CRISPLD2: variants seen among roughly 807,000 people sequenced by gnomAD.
CRISPLD2 encodes the protein cysteine-rich secretory protein LCCL domain-containing 2.
A neutral mutation model predicts 71.1 loss-of-function variants in CRISPLD2; 47 were observed. The ratio of observed to expected loss-of-function variants is 0.66; its 90% CI spans 0.52 to 0.84. The LOEUF is 0.84. CRISPLD2 is among the 40% of genes least tolerant of loss of function. The pLI is 0.00. For synonymous variants in CRISPLD2, 317 were observed against 250.1 expected (o/e 1.27, Z -2.52); for missense variants, 830 against 651.1 (o/e 1.27, Z -2.99).
At chr16:84,825,037 G>C (rs1916316839) in intron 1 of CRISPLD2, among the ~76,000 whole-genome samples, 1 of 152,182 alleles carries the variant, frequency 6.6e-6, no homozygotes, top group African/African-American at 2.4e-5. Context: ...CCGGGAGGCG[G>C]AGGTTGCAGT....
intron 1 of CRISPLD2, 45 bp from the exon 2 acceptor site, chr16:84,838,377 C>T: frequency 7.9e-7 from 1 of 1,267,818 alleles, no homozygotes; most frequent in South Asian, 1.4e-5. Flanking sequence ...CTGTGACCGG[C>T]TCCTACTAAT....
Position 84,868,315 on chromosome 16 carries a change from A to G in CRISPLD2, c.854-536A>G, listed in dbSNP as rs1020723329. Among the ~76,000 whole-genome samples, 5 of 152,230 alleles carry G rather than the reference A, an allele frequency of 3.3e-5. No homozygotes were observed. In the East Asian group the frequency reaches 7.7e-4, roughly 23 times the overall value. ...CAACGTTTATGTCCCTTTTCAAACT[A>G]TAACACGACTCCGAGACTCTGATAT... On this transcript the variant is annotated intron_variant, in intron 7 of 14. Transcript: ENST00000262424.
chr16:84,902,439 C>G (rs544909017), intron 14 of CRISPLD2, among the ~76,000 whole-genome samples: 1 of 151,516 alleles, frequency 6.6e-6, no homozygotes, highest in South Asian at 2.1e-4. Flanking sequence ...GAAACCCCGT[C>G]TCTACTAAAA....
chr16:84,844,802 CTG>C (rs904203307), intron 2 of CRISPLD2, among the ~76,000 whole-genome samples: 3 of 152,144 alleles, frequency 2.0e-5, no homozygotes, highest in Non-Finnish European at 2.9e-5. Flanking sequence ...CTTTGCAGGC[CTG>C]TGTGTCGCTG....
At position 84,831,683 on chromosome 16, in the gene CRISPLD2, G is replaced by C. The variant is rs145131059; in HGVS notation, c.-74-6739G>C. On this transcript the variant is annotated intron_variant, in intron 1 of 14. Coordinates refer to ENST00000262424, the MANE Select transcript of CRISPLD2 (RefSeq NM_031476.4). ...AACATCCCAAAGTGCTGGGATTATA[G>C]ATGTGAGTCACCGCACCTGGCCTAA... Among the ~76,000 whole-genome samples the C allele has an allele frequency of 3.6e-3, 550 of 152,188 alleles. 4 individuals are homozygous for C. Among genetic ancestry groups the C allele is most frequent in the Middle Eastern group, 0.031 (9 of 294 alleles).
intron 2 of CRISPLD2, among the ~76,000 whole-genome samples, chr16:84,842,799 C>G (rs773019881): frequency 6.6e-6 from 1 of 152,162 alleles, no homozygotes; most frequent in Non-Finnish European, 1.5e-5. Context: ...CCCATTGAAT[C>G]CGCGCATCCC....
At chr16:84,878,356 C>T (rs1188972579) in intron 12 of CRISPLD2, among the ~76,000 whole-genome samples, 1 of 152,228 alleles carries the variant, frequency 6.6e-6, no homozygotes, top group Non-Finnish European at 1.5e-5. Context: ...CCCTCCAGCT[C>T]CCGGCCACAC....
chr16:84,823,480 A>T (rs932821166), intron 1 of CRISPLD2, among the ~76,000 whole-genome samples: 1 of 152,216 alleles, frequency 6.6e-6, no homozygotes, highest in Non-Finnish European at 1.5e-5. Flanking sequence ...AGGTCATGTC[A>T]TTCCAGAATG....
rs548531155 is a variant in CRISPLD2, at chr16:84,823,621, C to A, written c.-75+3488C>A. On this transcript the variant is annotated intron_variant, in intron 1 of 14. Coordinates refer to ENST00000262424, the MANE Select transcript of CRISPLD2 (RefSeq NM_031476.4). ...AGACATCGCCCTGGGGGAGCCCTGC[C>A]TTCTACCCCAGGCTGTACAATGACG... Among the ~76,000 whole-genome samples, 17 of 152,274 alleles carry A rather than the reference C, an allele frequency of 1.1e-4. No individual in the cohort carries two copies. In the East Asian group the frequency reaches 3.3e-3, roughly 29 times the overall value.
chr16:84,821,729 T>G (rs1383685685), intron 1 of CRISPLD2, among the ~76,000 whole-genome samples: 4 of 152,170 alleles, frequency 2.6e-5, no homozygotes, highest in Non-Finnish European at 4.4e-5. Flanking sequence ...TGATTTTGAT[T>G]TTTTCAGAGT....
Position 84,909,499 on chromosome 16 carries a change from T to C in CRISPLD2, c.*2857T>C, listed in dbSNP as rs1038352262. 5 of 152,632 alleles carry C rather than the reference T, an allele frequency of 3.3e-5. No homozygotes were observed. Among genetic ancestry groups the C allele is most frequent in the African/African-American group, 7.2e-5 (3 of 41,462 alleles). The allele number at this position is 152,632 out of a possible 1,614,324, so 9.5% of individuals were successfully genotyped here. A position where few individuals can be genotyped will look rare whatever the true frequency, so the allele number is the denominator to read the frequency against. ...TCTGAACAATTTGTGAAATAAAACA[T>C]TGAAAACCATCTTTCAGGCTCTGGA... On this transcript the variant is annotated 3_prime_UTR_variant, in exon 15 of 15. Transcript: ENST00000262424.
intron 2 of CRISPLD2, among the ~76,000 whole-genome samples, chr16:84,844,393 G>C (rs918882112): frequency 6.6e-6 from 1 of 152,194 alleles, no homozygotes; most frequent in Non-Finnish European, 1.5e-5. Flanking sequence ...CCATTTTTAA[G>C]TGTGCAGTTC....
At chr16:84,898,019 C>T (rs1289246306) in intron 14 of CRISPLD2, among the ~76,000 whole-genome samples, 1 of 152,244 alleles carries the variant, frequency 6.6e-6, no homozygotes, top group African/African-American at 2.4e-5. Context: ...ACCGTGGTTT[C>T]AGTGGCTGCA....
intron 6 of CRISPLD2, among the ~76,000 whole-genome samples, chr16:84,855,338 C>T (rs898593530): frequency 3.3e-5 from 5 of 152,088 alleles, no homozygotes; most frequent in African/African-American, 1.2e-4. Flanking sequence ...ATCACAAGAT[C>T]CCACAATAGG....
chr16:84,900,356 C>A (rs1427777490), intron 14 of CRISPLD2, among the ~76,000 whole-genome samples: 1 of 152,150 alleles, frequency 6.6e-6, no homozygotes, highest in African/African-American at 2.4e-5. Flanking sequence ...AGTTTCCAAT[C>A]TGGGGGCTCT....
intron 7 of CRISPLD2, among the ~76,000 whole-genome samples, chr16:84,867,945 C>T (rs1917587549): frequency 6.6e-6 from 1 of 152,224 alleles, no homozygotes; most frequent in Non-Finnish European, 1.5e-5. Context: ...AACTCATTTG[C>T]AGCCGCCGTT....
chr16:84,884,373 G>T, intron 13 of CRISPLD2, among the ~76,000 whole-genome samples: 1 of 152,184 alleles, frequency 6.6e-6, no homozygotes, highest in African/African-American at 2.4e-5. Flanking sequence ...GTCAATGCAC[G>T]TGAAATGCAT....
intron 12 of CRISPLD2, among the ~76,000 whole-genome samples, chr16:84,878,595 G>A (rs189570752): frequency 4.6e-5 from 7 of 152,336 alleles, no homozygotes; most frequent in African/African-American, 1.7e-4. Context: ...TCTACAGGCA[G>A]CTAACCCCAA....
At position 84,866,906 on chromosome 16, in the gene CRISPLD2, A is replaced by G; in HGVS notation, c.719A>G (p.Tyr240Cys). The G allele has an allele frequency of 6.2e-7, 1 of 1,613,932 alleles. No individual in the cohort carries two copies. Among genetic ancestry groups the G allele is most frequent in the Non-Finnish European group, 8.5e-7 (1 of 1,179,922 alleles). The change falls in exon 7 of 15, where the codon TAC becomes TGC. Residue 240 changes from tyrosine (Y) to cysteine (C), a missense_variant. By Grantham distance (194) the Tyr-to-Cys change is radical. Coordinates refer to ENST00000262424, the MANE Select transcript of CRISPLD2 (RefSeq NM_031476.4). ...RNNLCYREET[Y>C]TPKPETDEMN... is the part of the protein sequence containing the mutation. ...CCTCTCCAATGTTAAGAAGAAACCT[A>G]CACTCCAAAACCTGAAACGGACGAG... is the stretch of plus-strand genomic sequence containing the variant.
Sources: gnomAD v4.1 joint callset for allele counts (sites outside exome capture counted in the v4.1 genomes callset) on GRCh38, gnomAD v4.1.1 for gene constraint, MANE v1.5 for transcripts, NCBI Gene and HGNC (gene_info 2026-07-23, HGNC 2026-07-21) for gene names.